The following SCFD1 variants were observed in gnomAD, a reference collection of about 807,000 sequenced individuals.
SCFD1 encodes sec1 family domain containing 1, also known as sec1 family domain-containing protein 1.
In SCFD1, 37 loss-of-function variants were observed where a neutral mutation model predicts 103.2. The ratio of observed to expected loss-of-function variants is 0.36; its 90% CI spans 0.28 to 0.47. The LOEUF (loss-of-function observed/expected upper bound fraction) is 0.47, where lower values mean the gene tolerates loss of function less well. Among genes scored for constraint, SCFD1 ranks in the 20% least tolerant of loss-of-function variants. The probability of loss-of-function intolerance (pLI) is 1.00; values close to 1 mark genes in which losing one functional copy is unlikely to be tolerated. For synonymous variants in SCFD1, 264 were observed against 245.0 expected, an observed-to-expected ratio of 1.08 and a Z score of -0.73; for missense variants, 639 against 761.2, an observed-to-expected ratio of 0.84 and a Z score of 1.89.
intron 14 of SCFD1, chr14:30,676,217 T>C (rs539724518): frequency 6.6e-5 from 10 of 152,346 alleles, no homozygotes; most frequent in African/African-American, 1.7e-4. Context: ...CTAGAACTTA[T>C]AGTTTGAGAA....
At chr14:30,663,539 T>C (rs80086838) in intron 10 of SCFD1, among the ~76,000 whole-genome samples, 2,959 of 152,272 alleles carry the variant, frequency 0.019, 53 homozygotes, top group Middle Eastern at 0.034. Context: ...TATGATAATA[T>C]GAGGGGTCTA....
At chr14:30,661,383 G>A (rs1008327674) in intron 10 of SCFD1, among the ~76,000 whole-genome samples, 2 of 152,142 alleles carry the variant, frequency 1.3e-5, no homozygotes, top group East Asian at 1.9e-4. Context: ...ACCATGACTG[G>A]GAGTTTTGTT....
intron 9 of SCFD1, among the ~76,000 whole-genome samples, chr14:30,653,260 C>T (rs564587926): frequency 2.9e-4 from 44 of 152,206 alleles, no homozygotes; most frequent in Admixed American, 7.8e-4. Flanking sequence ...ATGATCGCGC[C>T]ACTGCACTCC....
At chr14:30,683,287 G>A in intron 14 of SCFD1, 1 of 892,278 alleles carries the variant, frequency 1.1e-6, no homozygotes, top group Non-Finnish European at 1.7e-6. Context: ...GTCCACACTG[G>A]GATAGTAGCA....
chr14:30,694,011 T>C (rs1416644208), intron 14 of SCFD1, among the ~76,000 whole-genome samples: 1 of 152,188 alleles, frequency 6.6e-6, no homozygotes, highest in East Asian at 1.9e-4. Context: ...ACGTTTCCGT[T>C]ATCTTAAACT....
At chr14:30,683,764 A>G (rs1482805972) in intron 14 of SCFD1, among the ~76,000 whole-genome samples, 1 of 152,258 alleles carries the variant, frequency 6.6e-6, no homozygotes, top group Non-Finnish European at 1.5e-5. Context: ...AGAAAGGTTT[A>G]TCATTCCCTG....
Position 30,673,311 on chromosome 14 carries a change from A to T in SCFD1, c.1050A>T (p.Ala350=), listed in dbSNP as rs1888721681. 1 of 1,597,446 alleles carries T rather than the reference A, an allele frequency of 6.3e-7. No homozygotes were observed. Among genetic ancestry groups the T allele is most frequent in the African/African-American group, 1.3e-5 (1 of 74,614 alleles). Residue 350 remains alanine (A), a synonymous_variant, in exon 12 of 25, where the codon GCA becomes GCT. Coordinates refer to ENST00000458591, the MANE Select transcript of SCFD1 (RefSeq NM_016106.4). ...AGCAAGAACTAGAATCTTACAGAGC[A>T]CAGGAAGATGAGGTCAAACGACTTA... The part of the protein sequence containing the change: ...SVQQELESYR[A]QEDEVKRLKS...
chr14:30,650,170 C>T (rs949917573), intron 8 of SCFD1, among the ~76,000 whole-genome samples: 1 of 152,156 alleles, frequency 6.6e-6, no homozygotes, highest in African/African-American at 2.4e-5. Context: ...TCTTCTGAGG[C>T]TTCTTGTACC....
At chr14:30,733,811 T>C (rs1893648742) in intron 23 of SCFD1, among the ~76,000 whole-genome samples, 1 of 152,226 alleles carries the variant, frequency 6.6e-6, no homozygotes, top group Admixed American at 6.5e-5. Context: ...TTTGCCTACC[T>C]GACCAGAGAG....
At chr14:30,679,350 A>T (rs796945683) in intron 14 of SCFD1, among the ~76,000 whole-genome samples, 5 of 152,310 alleles carry the variant, frequency 3.3e-5, no homozygotes, top group African/African-American at 1.2e-4. Context: ...CTCAGTGAAC[A>T]TGATGGTTTA....
intron 20 of SCFD1, among the ~76,000 whole-genome samples, chr14:30,716,214 T>TC (rs1480288886): frequency 1.3e-5 from 2 of 152,216 alleles, no homozygotes; most frequent in East Asian, 3.8e-4. Flanking sequence ...GTCATGTAGA[T>TC]TATATCCTAT....
intron 23 of SCFD1, among the ~76,000 whole-genome samples, chr14:30,730,733 G>GT (rs1381754430): frequency 2.0e-5 from 3 of 152,098 alleles, no homozygotes; most frequent in Non-Finnish European, 4.4e-5. Context: ...TGAGTTCTTT[G>GT]TAGATTCTGG....
chr14:30,709,140 A>G (rs1347953192), intron 19 of SCFD1, among the ~76,000 whole-genome samples: 1 of 152,190 alleles, frequency 6.6e-6, no homozygotes, highest in Non-Finnish European at 1.5e-5. Context: ...TAAAGGCCAA[A>G]TCAAAAGAAT....
chr14:30,681,302 A>G (rs1195360180), intron 14 of SCFD1, among the ~76,000 whole-genome samples: 1 of 152,042 alleles, frequency 6.6e-6, no homozygotes, highest in Admixed American at 6.6e-5. Flanking sequence ...AAACAAGACA[A>G]CAGTTTACAA....
intron 21 of SCFD1, among the ~76,000 whole-genome samples, chr14:30,720,307 A>G (rs898751751): frequency 2.0e-5 from 3 of 152,156 alleles, no homozygotes; most frequent in African/African-American, 7.2e-5. Flanking sequence ...GCTAATGGGT[A>G]CAGGACTTCT....
intron 15 of SCFD1, among the ~76,000 whole-genome samples, chr14:30,697,611 G>A (rs547310661): frequency 3.9e-4 from 59 of 152,320 alleles, no homozygotes; most frequent in South Asian, 2.9e-3. Context: ...GCAGATTGTG[G>A]AGAGGAAGGA....
chr14:30,702,859 G>A (rs1891172623), intron 17 of SCFD1, among the ~76,000 whole-genome samples: 1 of 151,990 alleles, frequency 6.6e-6, no homozygotes, highest in Admixed American at 6.6e-5. Context: ...TTCTCTTAAG[G>A]ATTTATCCCA....
chr14:30,645,669 T>C (rs973609895), intron 7 of SCFD1, among the ~76,000 whole-genome samples: 3 of 152,220 alleles, frequency 2.0e-5, no homozygotes, highest in Non-Finnish European at 4.4e-5. Context: ...TTTTTGTACA[T>C]TGACTTTTGC....
chr14:30,721,759 G>T, intron 21 of SCFD1, 125 bp from the exon 22 acceptor site: 1 of 779,674 alleles, frequency 1.3e-6, no homozygotes, highest in Non-Finnish European at 2.1e-6. Flanking sequence ...ACCCCTCTAA[G>T]AAGGTGAAGG....
Sources: allele counts gnomAD v4.1 joint callset (sites outside exome capture counted in the v4.1 genomes callset), GRCh38; gene constraint gnomAD v4.1.1; transcripts MANE v1.5; gene names NCBI Gene and HGNC (gene_info 2026-07-23, HGNC 2026-07-21).